The following TACC2 variants were observed in gnomAD, a reference collection of about 807,000 sequenced individuals.
The protein encoded by TACC2 is transforming acidic coiled-coil containing protein 2.
A neutral mutation model predicts 227.3 loss-of-function variants in TACC2; 137 were observed. That is an observed-to-expected ratio of 0.60 (90% CI 0.52 to 0.69). The LOEUF (loss-of-function observed/expected upper bound fraction) is 0.69, where lower values mean the gene tolerates loss of function less well. Among genes scored for constraint, TACC2 ranks in the 30% least tolerant of loss-of-function variants. The probability of loss-of-function intolerance (pLI) is 0.00; values close to 1 mark genes in which losing one functional copy is unlikely to be tolerated. For missense variants in TACC2, 3,470 were observed against 3,694.4 expected, an observed-to-expected ratio of 0.94 and a Z score of 1.57; for synonymous variants, 1,523 against 1,487.5, an observed-to-expected ratio of 1.02 and a Z score of -0.55.
chr10:122,128,873 G>A (rs1306596713), intron 5 of TACC2, among the ~76,000 whole-genome samples: 1 of 151,558 alleles, frequency 6.6e-6, no homozygotes, highest in Non-Finnish European at 1.5e-5. Flanking sequence ...TTATGCTTGC[G>A]CTGTCTCTCT....
intron 7 of TACC2, chr10:122,163,651 C>A (rs922851685): frequency 2.8e-5 from 29 of 1,044,196 alleles, no homozygotes; most frequent in Middle Eastern, 4.5e-4. Flanking sequence ...TACCCGCACG[C>A]CCCGGGCAGA....
chr10:122,121,870 C>T (rs1419373700), intron 5 of TACC2, among the ~76,000 whole-genome samples: 3 of 152,318 alleles, frequency 2.0e-5, no homozygotes, highest in East Asian at 3.9e-4. Context: ...TCTGCTGCCT[C>T]CCATGCCTCC....
At chr10:121,993,497 G>C (rs1205589262) in intron 1 of TACC2, among the ~76,000 whole-genome samples, 2 of 152,112 alleles carry the variant, frequency 1.3e-5, no homozygotes, top group East Asian at 3.8e-4. Flanking sequence ...TGAGTTTCCA[G>C]AAAGAATTAT....
chr10:122,152,999 C>CTTTCTTTCTTTTTTTT (rs71026005), intron 7 of TACC2, among the ~76,000 whole-genome samples: 1 of 135,024 alleles, frequency 7.4e-6, no homozygotes, highest in African/African-American at 2.7e-5. Flanking sequence ...TTCTTTCTTT[C>CTTTCTTTCTTTTTTTT]TTTTTTTTTT....
intron 6 of TACC2, among the ~76,000 whole-genome samples, chr10:122,143,330 T>C (rs1265153515): frequency 6.6e-6 from 1 of 152,130 alleles, no homozygotes; most frequent in Non-Finnish European, 1.5e-5. Context: ...GAAACCCGGT[T>C]CTACAGAAGC....
chr10:122,167,513 G>A (rs759792176), intron 7 of TACC2, among the ~76,000 whole-genome samples: 4 of 152,240 alleles, frequency 2.6e-5, no homozygotes, highest in Admixed American at 6.5e-5. Context: ...GGGATCAGAT[G>A]TAGCTGGAGA....
intron 7 of TACC2, among the ~76,000 whole-genome samples, chr10:122,186,039 C>T (rs1565541890): frequency 1.3e-5 from 2 of 152,156 alleles, no homozygotes; most frequent in Non-Finnish European, 2.9e-5. Flanking sequence ...AGCTATTCTC[C>T]CGCCTCAGCC....
intron 5 of TACC2, among the ~76,000 whole-genome samples, chr10:122,114,356 C>T (rs2084244061): frequency 6.6e-6 from 1 of 152,186 alleles, no homozygotes; most frequent in African/African-American, 2.4e-5. Flanking sequence ...AGTGTTTGGT[C>T]TGTGAGATGC....
rs200089235 is a variant in TACC2 at position 122,229,453 on chromosome 10, A to G, written c.8004A>G (p.Glu2668=). 5.0e-6 allele frequency: 8 copies of G among 1,613,894 alleles called. No individual in the cohort carries two copies. The highest frequency in any genetic ancestry group is 1.7e-5 in the Admixed American group (1 of 59,984). The change falls in exon 15 of 23, where the codon GAA becomes GAG. Residue 2668 remains glutamate (E), a synonymous_variant. Coordinates refer to ENST00000369005, the MANE Select transcript of TACC2 (RefSeq NM_206862.4). ...ACTATCTGGAGCCCGACTTAGCAGA[A>G]AAGAACCCCCCACTATTCGCTCAGA... ...ALDYLEPDLA[E]KNPPLFAQKL...
chr10:122,187,546 A>G (rs2094248486), intron 7 of TACC2, among the ~76,000 whole-genome samples: 1 of 151,418 alleles, frequency 6.6e-6, no homozygotes, highest in Non-Finnish European at 1.5e-5. Flanking sequence ...ACTGGAGTGC[A>G]GTGGTGTGAC....
At chr10:122,072,057 C>T (rs1291491617) in intron 3 of TACC2, among the ~76,000 whole-genome samples, 2 of 146,458 alleles carry the variant, frequency 1.4e-5, no homozygotes, top group Non-Finnish European at 1.5e-5. Flanking sequence ...CAGCTCACTG[C>T]AAGCTCCTCC....
chr10:122,069,855 C>T (rs943906345), intron 3 of TACC2, among the ~76,000 whole-genome samples: 3 of 152,158 alleles, frequency 2.0e-5, no homozygotes, highest in African/African-American at 2.4e-5. Context: ...CTTGTATCAC[C>T]GACACTTGCA....
intron 7 of TACC2, among the ~76,000 whole-genome samples, chr10:122,184,163 G>A (rs1009659378): frequency 3.3e-5 from 5 of 152,168 alleles, no homozygotes; most frequent in Admixed American, 2.0e-4. Flanking sequence ...TGGTCCTTGG[G>A]TACCTGCCTG....
rs1045061801 is a variant in TACC2, at chr10:122,127,863, G to A, written c.5574-4746G>A. On this transcript the variant is annotated intron_variant, in intron 5 of 22. Transcript: ENST00000369005. ...TTCTTTGTAGCAGTTTCATATGGTT[G>A]AGCCTAATATATATGCGTCTATACA... Among the ~76,000 whole-genome samples the A allele has an allele frequency of 8.5e-5, 13 of 152,180 alleles. No individual in the cohort carries two copies. In the South Asian group the frequency reaches 1.9e-3, roughly 22 times the overall value.
Position 122,216,753 on chromosome 10 carries a change from G to A in TACC2, c.7471G>A (p.Asp2491Asn), listed in dbSNP as rs2095414370. ...GTGCATGACAGTGGACCTAGAGGCT[G>A]ACAAACAGGACTACCCGCAGCCCTC... ...WTCMTVDLEA[D>N]KQDYPQPSDL... Residue 2491 changes from aspartate to asparagine, a missense_variant, in exon 11 of 23, where the codon GAC (aspartate) becomes AAC (asparagine). Physicochemically the swap from Asp to Asn is conservative, Grantham distance 23 (BLOSUM62 1). Transcript: ENST00000369005. The A allele has an allele frequency of 7.4e-6, 12 of 1,614,114 alleles. No individual in the cohort carries two copies. In the East Asian group the frequency reaches 2.7e-4, roughly 36 times the overall value.
intron 1 of TACC2, among the ~76,000 whole-genome samples, chr10:122,002,286 C>T (rs1954474161): frequency 1.3e-5 from 2 of 152,170 alleles, no homozygotes; most frequent in African/African-American, 4.8e-5. Context: ...GATTAGATTT[C>T]AACATATGAA....
intron 5 of TACC2, among the ~76,000 whole-genome samples, chr10:122,115,271 AGTGTGTGT>A (rs1180604805): frequency 0.066 from 3,963 of 60,496 alleles, 69 homozygotes; most frequent in Non-Finnish European, 0.15. Context: ...TAGGTAGGTG[AGTGTGTGT>A]GTGTGTGTGT....
In TACC2 at chr10:122,050,312, T is replaced by C. The variant is rs2075530097; in HGVS notation, c.34-126T>C. 2.8e-6 allele frequency: 2 copies of C among 719,558 alleles called. No homozygotes were observed. The highest frequency in any genetic ancestry group is 4.8e-6 in the Non-Finnish European group (2 of 418,766). 44.6% of individuals were successfully genotyped at this position (719,558 alleles called of 1,614,324 possible). On this transcript the variant is annotated intron_variant, in intron 2 of 22. Transcript: ENST00000369005. The surrounding 1 kb of genome is among the most constrained non-coding windows in gnomAD (Gnocchi z 4.6). ...GTGCCGCACATAGTAGGTGTTTCGT[T>C]GGACGGCAGAGCAAGTGAACAACCT... is the stretch of plus-strand genomic sequence containing the variant.
chr10:122,108,883 G>A (rs866197693), intron 5 of TACC2, among the ~76,000 whole-genome samples: 7 of 151,948 alleles, frequency 4.6e-5, no homozygotes, highest in Non-Finnish European at 7.4e-5. Flanking sequence ...ATAGGCACGC[G>A]CCACCACGCC....
Sources: gnomAD v4.1 joint callset for allele counts (sites outside exome capture counted in the v4.1 genomes callset) on GRCh38, gnomAD v4.1.1 for gene constraint, Gnocchi (gnomAD v3.1) non-coding constraint, MANE v1.5 for transcripts, NCBI Gene and HGNC (gene_info 2026-07-23, HGNC 2026-07-21) for gene names.